ANXA8: variants seen among roughly 807,000 people sequenced by gnomAD.
ANXA8 encodes the protein VAC-beta.
Under a neutral mutation model 26.8 loss-of-function variants are expected in ANXA8, and 9 were observed. The observed-to-expected ratio is 0.34, with a 90% CI of 0.20 to 0.59. ANXA8 has a LOEUF of 0.59. ANXA8 is among the 20% of genes least tolerant of loss of function. ANXA8 has a pLI of 0.84. For synonymous variants in ANXA8, 39 were observed against 94.8 expected (o/e 0.41, Z 3.42); for missense variants, 83 against 238.5 (o/e 0.35, Z 4.29).
the ANXA8 span, among the ~76,000 whole-genome samples, chr10:47,680,357 C>T: frequency 2.0e-5 from 3 of 151,872 alleles, no homozygotes; most frequent in Admixed American, 6.6e-5. Context: ...AACTGTGGCC[C>T]GGCGTGGTGG....
At chr10:47,523,967 A>C in the ANXA8 span, among the ~76,000 whole-genome samples, 1 of 148,900 alleles carries the variant, frequency 6.7e-6, no homozygotes, top group South Asian at 2.1e-4. Context: ...CCTCCCCGAC[A>C]CCTCACAGTG....
chr10:47,475,348 C>T (rs1260027403), intron 6 of ANXA8, 145 bp downstream of exon 6: 514 of 1,579,120 alleles, frequency 3.3e-4, no homozygotes, highest in Non-Finnish European at 4.0e-4. Context: ...TCTAACCATG[C>T]TGAGACACAC....
At chr10:47,675,017 G>C in the ANXA8 span, among the ~76,000 whole-genome samples, 1 of 145,158 alleles carries the variant, frequency 6.9e-6, no homozygotes, top group Non-Finnish European at 1.5e-5. Context: ...CTCAATCCTA[G>C]AATTAGCCAT....
chr10:47,959,827 A>G, the ANXA8 span, among the ~76,000 whole-genome samples: 1 of 150,916 alleles, frequency 6.6e-6, no homozygotes, highest in South Asian at 2.1e-4. Context: ...AGTGAGGCAT[A>G]TGGTGCTGTG....
chr10:47,514,226 T>G, the ANXA8 span, among the ~76,000 whole-genome samples: 1 of 148,500 alleles, frequency 6.7e-6, no homozygotes, highest in African/African-American at 2.6e-5. Flanking sequence ...AATGAGCGGA[T>G]AAAGAAACTG....
At chr10:47,986,947 G>C in the ANXA8 span, 23 of 514,034 alleles carry the variant, frequency 4.5e-5, no homozygotes, top group Middle Eastern at 5.5e-4. Flanking sequence ...TGGTCACGAG[G>C]GGGGACGCGA....
chr10:47,974,360 T>G, the ANXA8 span, among the ~76,000 whole-genome samples: 1 of 145,784 alleles, frequency 6.9e-6, no homozygotes, highest in South Asian at 2.2e-4. Context: ...TTGGTTTCAT[T>G]TATCTTTTGT....
At chr10:47,767,762 C>T in the ANXA8 span, among the ~76,000 whole-genome samples, 1 of 151,652 alleles carries the variant, frequency 6.6e-6, no homozygotes, top group African/African-American at 2.4e-5. Context: ...ATGGGATGTA[C>T]TGGGGAAGAG....
the ANXA8 span, among the ~76,000 whole-genome samples, chr10:47,951,138 G>T: frequency 1.1e-4 from 16 of 149,430 alleles, no homozygotes; most frequent in Admixed American, 2.7e-4. Context: ...AGAGATTAAA[G>T]AAATAATATG....
chr10:47,528,181 G>A, the ANXA8 span, among the ~76,000 whole-genome samples: 3 of 138,686 alleles, frequency 2.2e-5, no homozygotes, highest in African/African-American at 7.9e-5. Flanking sequence ...CTGGGTTCAT[G>A]CCATTCTCCT....
the ANXA8 span, among the ~76,000 whole-genome samples, chr10:47,778,899 TTATGATATGATATGATATGA>T: frequency 2.2e-4 from 32 of 145,760 alleles, no homozygotes; most frequent in South Asian, 4.3e-3. Flanking sequence ...TCTGCCTACA[TTATGATATGATATGATATGA>T]TATGATATGA....
chr10:47,779,065 T>C, the ANXA8 span, among the ~76,000 whole-genome samples: 1 of 151,000 alleles, frequency 6.6e-6, no homozygotes, highest in Middle Eastern at 3.4e-3. Context: ...AGCTATCAAA[T>C]ATGGAGTTTT....
chr10:47,914,656 CTG>C, the ANXA8 span, among the ~76,000 whole-genome samples: 3 of 82,072 alleles, frequency 3.7e-5, no homozygotes, highest in Admixed American at 1.4e-4. Context: ...TTCCATCTTT[CTG>C]TGTTTTTGCT....
the ANXA8 span, among the ~76,000 whole-genome samples, chr10:47,638,040 G>C: frequency 6.7e-6 from 1 of 148,386 alleles, no homozygotes; most frequent in Non-Finnish European, 1.5e-5. Flanking sequence ...ATTTTGTGAA[G>C]CAAATTTTGT....
At chr10:47,663,796 G>A in the ANXA8 span, among the ~76,000 whole-genome samples, 2 of 148,674 alleles carry the variant, frequency 1.3e-5, no homozygotes, top group African/African-American at 2.6e-5. Context: ...TCTGATGCTA[G>A]ATGAAACTCA....
chr10:47,606,069 T>G, the ANXA8 span, among the ~76,000 whole-genome samples: 1 of 147,248 alleles, frequency 6.8e-6, no homozygotes. Flanking sequence ...AACCACACTT[T>G]AAGCAAGAAC....
chr10:47,895,087 C>A, the ANXA8 span, among the ~76,000 whole-genome samples: 1 of 151,978 alleles, frequency 6.6e-6, no homozygotes, highest in African/African-American at 2.4e-5. Context: ...CACACATACC[C>A]CACATGATAT....
chr10:47,730,159 A>G, the ANXA8 span: 1 of 271,866 alleles, frequency 3.7e-6, no homozygotes, highest in Non-Finnish European at 6.0e-6. Context: ...ACCAAAAGAA[A>G]CAATGAAACC....
the ANXA8 span, among the ~76,000 whole-genome samples, chr10:47,553,959 G>A: frequency 1.3e-3 from 180 of 141,016 alleles, no homozygotes; most frequent in Middle Eastern, 4.0e-3. Flanking sequence ...GGGAGATCTC[G>A]CGTTCTGGGG....
Sources: gnomAD v4.1 joint callset for allele counts (sites outside exome capture counted in the v4.1 genomes callset) on GRCh38, gnomAD v4.1.1 for gene constraint, MANE v1.5 for transcripts, NCBI Gene and HGNC (gene_info 2026-07-23, HGNC 2026-07-21) for gene names.